CHODL: variants seen among roughly 807,000 people sequenced by gnomAD.
CHODL encodes transmembrane protein MT75.
Under a neutral mutation model 34.5 loss-of-function variants are expected in CHODL, and 29 were observed. The ratio of observed to expected loss-of-function variants is 0.84; its 90% CI spans 0.63 to 1.15. The LOEUF is 1.15. CHODL is among the 50% of genes most tolerant of loss of function. The pLI, the probability that CHODL is intolerant of heterozygous loss-of-function variation, is 0.00. For synonymous variants in CHODL, 125 were observed against 116.1 expected, an observed-to-expected ratio of 1.08 and a Z score of -0.49; for missense variants, 332 against 332.5, an observed-to-expected ratio of 1.00 and a Z score of 0.01.
intron 1 of CHODL, among the ~76,000 whole-genome samples, chr21:17,929,173 G>A (rs2063251485): frequency 1.3e-5 from 2 of 152,184 alleles, no homozygotes; most frequent in South Asian, 2.1e-4. Context: ...AACATATATT[G>A]CAGAAACAGA....
intron 2 of CHODL, among the ~76,000 whole-genome samples, chr21:18,104,470 A>T (rs1036057538): frequency 1.3e-5 from 2 of 152,196 alleles, no homozygotes; most frequent in African/African-American, 4.8e-5. Flanking sequence ...GAGTCAATTA[A>T]ACCTCACTTT....
intron 2 of CHODL, among the ~76,000 whole-genome samples, chr21:18,125,162 A>G (rs926337244): frequency 6.6e-6 from 1 of 152,260 alleles, no homozygotes; most frequent in Admixed American, 6.5e-5. Flanking sequence ...TGATAAACAA[A>G]AAGCTAGCAA....
chr21:18,234,566 G>A (rs2146760953), intron 2 of CHODL, among the ~76,000 whole-genome samples: 1 of 152,150 alleles, frequency 6.6e-6, no homozygotes, highest in South Asian at 2.1e-4. Flanking sequence ...AATATCTGGG[G>A]TAAAAGAGGA....
intron 2 of CHODL, among the ~76,000 whole-genome samples, chr21:18,205,737 C>CTTTT (rs56091373): frequency 0.012 from 1,581 of 127,122 alleles, 23 homozygotes; most frequent in South Asian, 0.1. Flanking sequence ...AAGGAGTATA[C>CTTTT]TTTTTTTTTT....
intron 1 of CHODL, among the ~76,000 whole-genome samples, chr21:17,998,501 G>A (rs1440398483): frequency 6.6e-6 from 1 of 152,220 alleles, no homozygotes; most frequent in Non-Finnish European, 1.5e-5. Flanking sequence ...TTCTCTTCTG[G>A]ACTGCCCTAG....
At chr21:18,244,781 C>G, upstream of CHODL, 1 of 158,752 alleles carries the variant, frequency 6.3e-6, no homozygotes, top group Non-Finnish European at 1.4e-5. Context: ...AGGGAGGGGG[C>G]CGGAACCTCG....
intron 2 of CHODL, among the ~76,000 whole-genome samples, chr21:18,120,622 G>C (rs2065468209): frequency 6.6e-6 from 1 of 152,056 alleles, no homozygotes; most frequent in Non-Finnish European, 1.5e-5. Flanking sequence ...TTAAAAATGT[G>C]TGTGTACATA....
At chr21:18,076,727 G>A (rs2064871070) in intron 2 of CHODL, among the ~76,000 whole-genome samples, 1 of 152,194 alleles carries the variant, frequency 6.6e-6, no homozygotes, top group Non-Finnish European at 1.5e-5. Flanking sequence ...GAGTCAATTT[G>A]CATTACAGGT....
intron 2 of CHODL, among the ~76,000 whole-genome samples, chr21:18,237,342 G>T (rs1404888649): frequency 2.0e-5 from 3 of 152,194 alleles, no homozygotes; most frequent in African/African-American, 7.2e-5. Context: ...GAAAGTAAGG[G>T]CTACTCAGTG....
At position 18,260,239 on chromosome 21, in the gene CHODL, C is replaced by A. The variant is rs749113354; in HGVS notation, c.587C>A (p.Thr196Lys). The stretch of plus-strand genomic sequence containing the variant: ...GCCCCTGTAGAAAAGCCTTATCTTA[C>A]AAATCAACCAGGAGACACCCATCAG... ...PTAPVEKPYLTNQPGDTHQNV... is the reference protein window; with the variant it reads ...PTAPVEKPYLKNQPGDTHQNV... Residue 196 changes from threonine to lysine, a missense_variant, in exon 4 of 6, where the codon ACA (threonine) becomes AAA (lysine). Thr to Lys is a moderately conservative substitution (Grantham distance 78). Transcript: ENST00000299295. 1.9e-6 allele frequency: 3 copies of A among 1,580,786 alleles called. No homozygotes were observed. Among genetic ancestry groups the A allele is most frequent in the Admixed American group, 3.7e-5 (2 of 54,032 alleles).
At chr21:18,244,654 G>A (rs1479028294), upstream of CHODL, among the ~76,000 whole-genome samples, 2 of 152,194 alleles carry the variant, frequency 1.3e-5, no homozygotes, top group Non-Finnish European at 2.9e-5. Flanking sequence ...ACAGGGAGGA[G>A]GGGACCAGAG....
chr21:18,233,079 T>C (rs1183461167), intron 2 of CHODL, among the ~76,000 whole-genome samples: 2 of 151,608 alleles, frequency 1.3e-5, no homozygotes. Context: ...AATTTATTCC[T>C]CCTGTCTAAG....
chr21:17,943,658 G>C (rs184792728), intron 1 of CHODL, among the ~76,000 whole-genome samples: 3 of 152,160 alleles, frequency 2.0e-5, no homozygotes, highest in Admixed American at 2.0e-4. Context: ...AGACACCAGC[G>C]TGCTATGTAG....
chr21:18,188,041 G>A (rs376986343), intron 2 of CHODL, among the ~76,000 whole-genome samples: 1 of 152,010 alleles, frequency 6.6e-6, no homozygotes. Context: ...GTTGCCTATG[G>A]TTCTAAATCC....
chr21:18,185,215 C>A (rs1157521310), intron 2 of CHODL, among the ~76,000 whole-genome samples: 1 of 152,030 alleles, frequency 6.6e-6, no homozygotes, highest in Non-Finnish European at 1.5e-5. Flanking sequence ...ATGTTCCCCT[C>A]CCTGTGTCTA....
chr21:18,169,166 A>T (rs1212691425), intron 2 of CHODL, among the ~76,000 whole-genome samples: 1 of 152,120 alleles, frequency 6.6e-6, no homozygotes, highest in African/African-American at 2.4e-5. Context: ...CTTTGTAAAA[A>T]ATTTTTTGAT....
chr21:18,202,002 T>C lies in CHODL; in HGVS notation c.-44-54507T>C, dbSNP rs945088537. ...TGTATTTTTTAGTAGAGACGGGGCT[T>C]CACCATGTTAGCCAGGATGATCTCA... On this transcript the variant is annotated intron_variant, in intron 2 of 6. Transcript: ENST00000400127. 2.0e-5 allele frequency among the ~76,000 whole-genome samples: 3 copies of C among 152,086 alleles called. No homozygotes were observed. In the South Asian group the frequency reaches 6.2e-4, roughly 32 times the overall value.
At chr21:17,943,452 A>G (rs922006343) in intron 1 of CHODL, among the ~76,000 whole-genome samples, 2 of 152,136 alleles carry the variant, frequency 1.3e-5, no homozygotes, top group Non-Finnish European at 2.9e-5. Context: ...TTTTCTCTTG[A>G]TGAATATTGA....
chr21:18,155,966 A>G (rs2073029374), intron 2 of CHODL, among the ~76,000 whole-genome samples: 2 of 152,222 alleles, frequency 1.3e-5, no homozygotes, highest in East Asian at 1.9e-4. Context: ...CCCTGTGGAC[A>G]TGGAATACTT....
Sources: gnomAD v4.1 joint callset for allele counts (sites outside exome capture counted in the v4.1 genomes callset) on GRCh38, gnomAD v4.1.1 for gene constraint, MANE v1.5 for transcripts, NCBI Gene and HGNC (gene_info 2026-07-23, HGNC 2026-07-21) for gene names.